The following NUP133 variants were observed in gnomAD, a reference collection of about 807,000 sequenced individuals.
NUP133 encodes nuclear pore complex protein Nup133.
Under a neutral mutation model 146.2 loss-of-function variants are expected in NUP133, and 66 were observed. That is an observed-to-expected ratio of 0.45 (90% CI 0.37 to 0.55). The LOEUF (loss-of-function observed/expected upper bound fraction) is 0.55. Among genes scored for constraint, NUP133 ranks in the 20% least tolerant of loss-of-function variants. The pLI is 0.00. For missense variants in NUP133, 1,277 were observed against 1,374.8 expected (o/e 0.93, Z 1.12); for synonymous variants, 521 against 498.8 (o/e 1.04, Z -0.59).
At chr1:229,506,273 C>A in intron 1 of NUP133, 115 bp from the exon 2 acceptor site, 5 of 525,700 alleles carry the variant, frequency 9.5e-6, no homozygotes, top group South Asian at 2.9e-5. Context: ...AACACTGGCT[C>A]ATATTTACCA....
chr1:229,442,494 A>C (rs1236113952), intron 25 of NUP133, among the ~76,000 whole-genome samples: 4 of 152,230 alleles, frequency 2.6e-5, no homozygotes, highest in African/African-American at 9.6e-5. Context: ...CATAGAGCTG[A>C]AAAGACAGTG....
intron 22 of NUP133, among the ~76,000 whole-genome samples, chr1:229,451,674 C>A (rs1455736927): frequency 6.6e-6 from 1 of 152,086 alleles, no homozygotes; most frequent in African/African-American, 2.4e-5. Flanking sequence ...TTAATAGCAA[C>A]AATACTCAGA....
At position 229,449,232 on chromosome 1, in the gene NUP133, C is replaced by G. The variant is rs1299634807; in HGVS notation, c.3181-42G>C. On this transcript the variant is annotated intron_variant, in intron 23 of 25. Transcript: ENST00000261396. Reference sequence around the variant, plus strand: ...AAAAAATCCTGATTAAATCCTGGCTCTGAAAGAAATACATGCCTAAATTTT... The same window carrying G: ...AAAAAATCCTGATTAAATCCTGGCTGTGAAAGAAATACATGCCTAAATTTT... 3 of 1,356,956 alleles carry G rather than the reference C, an allele frequency of 2.2e-6. No individual in the cohort carries two copies. In the African/African-American group the frequency reaches 4.3e-5, roughly 20 times the overall value. 84.1% of individuals were successfully genotyped at this position (1,356,956 alleles called of 1,614,324 possible).
chr1:229,472,318 CAAAAA>C (rs67522726), intron 14 of NUP133, among the ~76,000 whole-genome samples: 1 of 83,510 alleles, frequency 1.2e-5, no homozygotes. Context: ...GACTCCGTCT[CAAAAA>C]AAAAAAAAAA....
chr1:229,443,673 G>A lies in NUP133; in HGVS notation c.3334+1241C>T, dbSNP rs570799384. On this transcript the variant is annotated intron_variant, in intron 25 of 25. Transcript: ENST00000261396. The stretch of plus-strand genomic sequence containing the variant: ...ACATTTGTCCTGTTATTAAAAAACC[G>A]CACGCCTTATATATGTAAAATATAC... 7.3e-5 allele frequency among the ~76,000 whole-genome samples: 11 copies of A among 150,652 alleles called. No individual in the cohort carries two copies. In the East Asian group the frequency reaches 7.8e-4, roughly 11 times the overall value.
intron 22 of NUP133, 121 bp downstream of exon 22, chr1:229,452,404 G>A: frequency 1.5e-6 from 1 of 665,392 alleles, no homozygotes; most frequent in Non-Finnish European, 2.3e-6. Context: ...TTCTAGGGGA[G>A]TTTTCTGGAA....
chr1:229,470,921 CA>C, intron 14 of NUP133, 117 bp from the exon 15 acceptor site: 1 of 774,486 alleles, frequency 1.3e-6, no homozygotes, highest in Non-Finnish European at 2.1e-6. Flanking sequence ...TTTCCCCCAG[CA>C]AGTCCCTCCA....
At chr1:229,463,791 T>C (rs1043428342) in intron 18 of NUP133, 115 bp from the exon 19 acceptor site, 2 of 1,157,924 alleles carry the variant, frequency 1.7e-6, no homozygotes, top group Admixed American at 3.0e-5. Flanking sequence ...CAATCATTAA[T>C]GGAATGGAAA....
intron 17 of NUP133, 107 bp downstream of exon 17, chr1:229,465,313 T>G: frequency 1.2e-6 from 1 of 862,084 alleles, no homozygotes. Context: ...GAGACGGCAC[T>G]TTTTCATTTC....
In NUP133 at chr1:229,502,083, A is replaced by C. The variant is rs746187804; in HGVS notation, c.321T>G (p.Ile107Met). The C allele has an allele frequency of 6.2e-7, 1 of 1,613,826 alleles. No homozygotes were observed. Among genetic ancestry groups the C allele is most frequent in the East Asian group, 2.2e-5 (1 of 44,858 alleles). The change falls in exon 3 of 26, where the codon ATT becomes ATG. Residue 107 changes from isoleucine to methionine, a missense_variant. Around this residue, in one of 3 missense-constraint regions of NUP133, gnomAD observed 319 missense variants for 306.9 expected, o/e 1.04. Coordinates refer to ENST00000261396, the MANE Select transcript of NUP133 (RefSeq NM_018230.3). ...AAGCCCATCCACCTTCATCTATGTT[A>C]ATGGTCAGCTGGTCATCGACTAAAG... ...TLAEVDDQLT[I>M]NIDEGGWACL... is the part of the protein sequence containing the mutation.
Position 229,466,338 on chromosome 1 carries a change from A to G in NUP133, c.2199+296T>C, listed in dbSNP as rs1041164846. 1.9e-4 allele frequency among the ~76,000 whole-genome samples: 29 copies of G among 152,290 alleles called. 1 individual carries two copies. The East Asian group carries it at 4.2e-3, about 22-fold the overall frequency. On this transcript the variant is annotated intron_variant, in intron 16 of 25. Transcript: ENST00000261396. Reference sequence around the variant, plus strand: ...TGACAGTGAGACCTTCTCTCAGAAAAAAAACCAACTAAAAAATTGCAAAGA... The same window carrying G: ...TGACAGTGAGACCTTCTCTCAGAAAGAAAACCAACTAAAAAATTGCAAAGA...
chr1:229,442,992 C>A (rs1348197137), intron 25 of NUP133, among the ~76,000 whole-genome samples: 1 of 152,080 alleles, frequency 6.6e-6, no homozygotes, highest in East Asian at 1.9e-4. Flanking sequence ...CAGGCATGAG[C>A]CACTGTGCCC....
At chr1:229,507,156 T>C (rs1185475686) in intron 1 of NUP133, among the ~76,000 whole-genome samples, 2 of 152,170 alleles carry the variant, frequency 1.3e-5, no homozygotes, top group African/African-American at 4.8e-5. Context: ...ATTCTCCAAC[T>C]TTTCGCAAAA....
chr1:229,506,561 T>C (rs1347354776), intron 1 of NUP133, among the ~76,000 whole-genome samples: 1 of 151,560 alleles, frequency 6.6e-6, no homozygotes, highest in Non-Finnish European at 1.5e-5. Flanking sequence ...ATACATTTTA[T>C]AAATATTGGC....
Position 229,482,582 on chromosome 1 carries a change from A to G in NUP133, c.1592+1472T>C, listed in dbSNP as rs115724189. The stretch of plus-strand genomic sequence containing the variant: ...TACCTTTTAAGGAAAGTACCAGAAT[A>G]CATGAGCAGAATACATGTCTAAGAT... On this transcript the variant is annotated intron_variant, in intron 12 of 25. Coordinates refer to ENST00000261396, the MANE Select transcript of NUP133 (RefSeq NM_018230.3). 3.3e-3 allele frequency among the ~76,000 whole-genome samples: 510 copies of G among 152,326 alleles called. 5 individuals carry two copies. Among genetic ancestry groups the G allele is most frequent in the African/African-American group, 0.011 (454 of 41,566 alleles).
chr1:229,495,958 T>C lies in NUP133; in HGVS notation c.909A>G (p.Ser303=). The part of the protein sequence containing the change: ...NISKWELDDS[S]EKHAYSWDIN... ...TATCCCAACTGTATGCATGCTTTTC[T>C]GAAGAATCATCTAATTCCCATTTAC... The change falls in exon 7 of 26, where the codon TCA becomes TCG. Residue 303 remains serine (S), a synonymous_variant. Transcript: ENST00000261396. 6.2e-7 allele frequency: 1 copy of C among 1,612,250 alleles called. No individual in the cohort carries two copies. Among genetic ancestry groups the C allele is most frequent in the Non-Finnish European group, 8.5e-7 (1 of 1,179,222 alleles).
intron 21 of NUP133, 31 bp from the exon 22 acceptor site, chr1:229,452,674 G>A (rs1182912145): frequency 5.3e-6 from 8 of 1,503,920 alleles, no homozygotes; most frequent in South Asian, 2.4e-5. Context: ...GAGGGAAAGA[G>A]AATATGATGA....
At position 229,508,069 on chromosome 1, in the gene NUP133, G is replaced by A. The variant is rs771708146; in HGVS notation, c.181C>T (p.Arg61Trp). 19 of 1,486,150 alleles carry A rather than the reference G, an allele frequency of 1.3e-5. No individual in the cohort carries two copies. Among genetic ancestry groups the A allele is most frequent in the Non-Finnish European group, 1.6e-5 (18 of 1,115,552 alleles). 92.1% of individuals were successfully genotyped at this position (1,486,150 alleles called of 1,614,324 possible). The change falls in exon 1 of 26, where the codon CGG becomes TGG. Residue 61 changes from arginine to tryptophan, a missense_variant and splice_region_variant. This residue lies in a region of NUP133 where 319 missense variants were observed against 306.9 expected (regional missense o/e 1.04). Coordinates refer to ENST00000261396, the MANE Select transcript of NUP133 (RefSeq NM_018230.3). ...PVGRRSSLSS[R>W]GTPTRMFPHH... ...GACCCAACCAGGGAGATCACTTACC[G>A]CGAGCTTAGCGAGCTACGCCGGCCG...
chr1:229,502,128 TTAATC>T, intron 2 of NUP133, 26 bp from the exon 3 acceptor site: 1 of 1,537,428 alleles, frequency 6.5e-7, no homozygotes, highest in Non-Finnish European at 9.0e-7. Context: ...AGGTGGGTGA[TTAATC>T]TTATAGTATA....
Sources: gnomAD v4.1 joint callset for allele counts (sites outside exome capture counted in the v4.1 genomes callset) on GRCh38, gnomAD v4.1.1 for gene constraint, gnomAD v4.1.1 regional missense constraint, MANE v1.5 for transcripts, NCBI Gene and HGNC (gene_info 2026-07-23, HGNC 2026-07-21) for gene names.